PAN3: variants seen among roughly 807,000 people sequenced by gnomAD.
PAN3 encodes PAN2-PAN3 deadenylation complex subunit PAN3.
A neutral mutation model predicts 96.2 loss-of-function variants in PAN3; 19 were observed. The observed-to-expected ratio is 0.20, with a 90% CI of 0.14 to 0.29. The LOEUF is 0.29. Among genes scored for constraint, PAN3 ranks in the 10% least tolerant of loss-of-function variants. The probability of loss-of-function intolerance (pLI) is 1.00; values close to 1 mark genes in which losing one functional copy is unlikely to be tolerated. For synonymous variants in PAN3, 433 were observed against 406.6 expected (o/e 1.06, Z -0.78); for missense variants, 882 against 1,108.1 (o/e 0.80, Z 2.90).
At chr13:28,285,557 CTT>C (rs1419725406) in intron 17 of PAN3, among the ~76,000 whole-genome samples, 1 of 152,152 alleles carries the variant, frequency 6.6e-6, no homozygotes, top group Non-Finnish European at 1.5e-5. Context: ...ATCTTGGAAA[CTT>C]AACGTCCTTC....
At chr13:28,213,959 A>G (rs1353078924) in intron 5 of PAN3, among the ~76,000 whole-genome samples, 2 of 152,168 alleles carry the variant, frequency 1.3e-5, no homozygotes, top group African/African-American at 2.4e-5. Flanking sequence ...GAGCAACTTG[A>G]TCTCTTATAC....
At chr13:28,150,389 G>A (rs1322438250) in intron 1 of PAN3, among the ~76,000 whole-genome samples, 1 of 152,120 alleles carries the variant, frequency 6.6e-6, no homozygotes, top group African/African-American at 2.4e-5. Context: ...ACTTTGGGAG[G>A]CCGAGGCGGG....
Position 28,270,757 on chromosome 13 carries a change from A to T in PAN3, c.1849A>T (p.Ile617Phe). Residue 617 changes from isoleucine (I) to phenylalanine (F), a missense_variant, in exon 13 of 19, where the codon ATT (isoleucine) becomes TTT (phenylalanine). Ile to Phe is a conservative substitution (Grantham distance 21). This residue lies in a region of PAN3 where 364 missense variants were observed against 513.6 expected (regional missense o/e 0.71). Transcript: ENST00000380958. The stretch of plus-strand genomic sequence containing the variant: ...TGCTGGATTATTGCCAGAATCTCTT[A>T]TTTGGGCATATATTGTCCAACTAAG... ...QHAGLLPESL[I>F]WAYIVQLSSA... is the part of the protein sequence containing the mutation. 1 of 1,613,960 alleles carries T rather than the reference A, an allele frequency of 6.2e-7. No homozygotes were observed. Among genetic ancestry groups the T allele is most frequent in the Non-Finnish European group, 8.5e-7 (1 of 1,179,886 alleles).
In PAN3 at chr13:28,266,692, C is replaced by T. The variant is rs776095358; in HGVS notation, c.1412-23C>T. On this transcript the variant is annotated intron_variant, in intron 9 of 18. Coordinates refer to ENST00000380958, the MANE Select transcript of PAN3 (RefSeq NM_175854.8). ...TTTATGAATGCCTGTATTTTCAAGT[C>T]ATCTTCTTATGAATTACTCTAGCAG... is the stretch of plus-strand genomic sequence containing the variant. 7 of 1,506,652 alleles carry T rather than the reference C, an allele frequency of 4.6e-6. No individual in the cohort carries two copies. The South Asian group carries it at 9.3e-5, about 20-fold the overall frequency. The allele number at this position is 1,506,652 out of a possible 1,614,324, so 93.3% of individuals were successfully genotyped here.
chr13:28,266,980 T>C, intron 10 of PAN3, 104 bp downstream of exon 10: 1 of 1,287,572 alleles, frequency 7.8e-7, no homozygotes, highest in Non-Finnish European at 1.0e-6. Context: ...AAATTTTTAT[T>C]TGGAAATTAG....
intron 6 of PAN3, among the ~76,000 whole-genome samples, chr13:28,222,190 ATTCAGT>A (rs1251790058): frequency 1.3e-5 from 2 of 152,210 alleles, no homozygotes; most frequent in African/African-American, 4.8e-5. Flanking sequence ...ATTTAAAAAC[ATTCAGT>A]TTAAGAAAAT....
chr13:28,159,850 A>G (rs1219623338), intron 1 of PAN3, among the ~76,000 whole-genome samples: 1 of 152,104 alleles, frequency 6.6e-6, no homozygotes, highest in Non-Finnish European at 1.5e-5. Flanking sequence ...AATAATCTGT[A>G]CACCAAACCC....
chr13:28,188,882 T>C (rs548488884), intron 4 of PAN3, among the ~76,000 whole-genome samples: 1 of 152,366 alleles, frequency 6.6e-6, no homozygotes, highest in South Asian at 2.1e-4. Flanking sequence ...TAGCTTTAAC[T>C]ACATTTTTTA....
chr13:28,208,725 G>A (rs1415947074), intron 5 of PAN3, among the ~76,000 whole-genome samples: 1 of 151,938 alleles, frequency 6.6e-6, no homozygotes, highest in East Asian at 1.9e-4. Context: ...GCACACATCC[G>A]GTTTTATTTT....
intron 14 of PAN3, among the ~76,000 whole-genome samples, chr13:28,273,046 A>G (rs1300989320): frequency 6.6e-6 from 1 of 152,174 alleles, no homozygotes; most frequent in African/African-American, 2.4e-5. Flanking sequence ...CTTTTAGAAC[A>G]CTTGTCTGAC....
At chr13:28,168,547 T>C (rs1230169201) in intron 1 of PAN3, among the ~76,000 whole-genome samples, 1 of 151,998 alleles carries the variant, frequency 6.6e-6, no homozygotes, top group Admixed American at 6.6e-5. Flanking sequence ...GGTGAAACTT[T>C]GTCTATACTA....
chr13:28,228,497 C>T lies in PAN3; in HGVS notation c.1000+8119C>T, dbSNP rs144240067. On this transcript the variant is annotated intron_variant, in intron 6 of 18. Transcript: ENST00000380958. ...TGTTTAGTTCTAAATTTTTCAGTCA[C>T]GAATCTCTTACATATTGATATGTCT... is the stretch of plus-strand genomic sequence containing the variant. Among the ~76,000 whole-genome samples the T allele has an allele frequency of 1.9e-3, 293 of 152,172 alleles. 2 individuals are homozygous for T. The highest frequency in any genetic ancestry group is 6.6e-3 in the African/African-American group (276 of 41,522).
intron 3 of PAN3, among the ~76,000 whole-genome samples, chr13:28,177,349 T>C (rs1875155316): frequency 6.6e-6 from 1 of 152,200 alleles, no homozygotes; most frequent in Non-Finnish European, 1.5e-5. Context: ...TACTTTATCT[T>C]TTTAGTAATA....
At chr13:28,260,873 G>C (rs1885658640) in intron 8 of PAN3, among the ~76,000 whole-genome samples, 1 of 152,156 alleles carries the variant, frequency 6.6e-6, no homozygotes, top group Non-Finnish European at 1.5e-5. Context: ...TTTTCTAATA[G>C]ATGTAGGTTA....
chr13:28,189,708 T>G (rs1453446338), intron 4 of PAN3, among the ~76,000 whole-genome samples: 2 of 152,078 alleles, frequency 1.3e-5, no homozygotes, highest in African/African-American at 4.8e-5. Context: ...TATTGAGAAC[T>G]TTAGTACTCA....
At chr13:28,261,336 T>C (rs1885702176) in intron 8 of PAN3, 65 bp from the exon 9 acceptor site, 1 of 1,154,684 alleles carries the variant, frequency 8.7e-7, no homozygotes, top group Admixed American at 2.2e-5. Context: ...GTTATTTAAT[T>C]ATAATAGGAA....
chr13:28,220,041 A>G (rs1461126641), intron 5 of PAN3, among the ~76,000 whole-genome samples, 190 bp from the exon 6 acceptor site: 1 of 152,224 alleles, frequency 6.6e-6, no homozygotes, highest in Admixed American at 6.5e-5. Context: ...AAAGTCTTCA[A>G]ATTTGATGAT....
intron 2 of PAN3, among the ~76,000 whole-genome samples, chr13:28,175,044 G>A (rs922164115): frequency 6.6e-6 from 1 of 151,950 alleles, no homozygotes; most frequent in Admixed American, 6.6e-5. Context: ...GTGTTTAGAT[G>A]AGTTTTTGTT....
intron 5 of PAN3, among the ~76,000 whole-genome samples, chr13:28,213,839 A>G (rs1003576030): frequency 6.6e-6 from 1 of 152,208 alleles, no homozygotes; most frequent in Non-Finnish European, 1.5e-5. Flanking sequence ...AAAATGGCAA[A>G]TAAGTTATTT....
Sources: gnomAD v4.1 joint callset for allele counts (sites outside exome capture counted in the v4.1 genomes callset) on GRCh38, gnomAD v4.1.1 for gene constraint, gnomAD v4.1.1 regional missense constraint, MANE v1.5 for transcripts, NCBI Gene and HGNC (gene_info 2026-07-23, HGNC 2026-07-21) for gene names.